LDLRAD4: variants seen among roughly 807,000 people sequenced by gnomAD.
LDLRAD4 encodes the protein low density lipoprotein receptor class A domain containing 4, also known as low-density lipoprotein receptor class A domain-containing protein 4.
Under a neutral mutation model 17.0 loss-of-function variants are expected in LDLRAD4, and 5 were observed. The observed-to-expected ratio is 0.29, with a 90% CI of 0.15 to 0.62. The LOEUF (loss-of-function observed/expected upper bound fraction) is 0.62. Among genes scored for constraint, LDLRAD4 ranks in the 20% least tolerant of loss-of-function variants. The pLI, the probability that LDLRAD4 is intolerant of heterozygous loss-of-function variation, is 0.84. For synonymous variants in LDLRAD4, 168 were observed against 171.8 expected (o/e 0.98, Z 0.17); for missense variants, 340 against 424.7 (o/e 0.80, Z 1.75).
rs550649056 is a variant in LDLRAD4, at chr18:13,455,428, T to C, written c.181+17044T>C. 4.6e-5 allele frequency among the ~76,000 whole-genome samples: 7 copies of C among 152,292 alleles called. No individual in the cohort carries two copies. In the South Asian group the frequency reaches 1.5e-3, roughly 32 times the overall value. On this transcript the variant is annotated intron_variant, in intron 3 of 5. Transcript: ENST00000359446. ...TTTTTCCTGGGTTTGATGTGACATC[T>C]ATGAGGCCCGTAAAGGTCATGAGAT...
At chr18:13,471,138 T>G (rs2092761053) in intron 3 of LDLRAD4, 1 of 152,234 alleles carries the variant, frequency 6.6e-6, no homozygotes, top group South Asian at 2.1e-4. Flanking sequence ...TAACCAGTGA[T>G]TGTTGTACTC....
intron 3 of LDLRAD4, among the ~76,000 whole-genome samples, chr18:13,499,321 C>CTTT (rs2093566134): frequency 6.8e-6 from 1 of 146,906 alleles, no homozygotes; most frequent in African/African-American, 2.5e-5. Context: ...CACACACGTC[C>CTTT]CGCCATGGAT....
chr18:13,478,655 A>G (rs1172597138), intron 3 of LDLRAD4, among the ~76,000 whole-genome samples: 1 of 152,276 alleles, frequency 6.6e-6, no homozygotes, highest in Non-Finnish European at 1.5e-5. Flanking sequence ...AAATATTCCA[A>G]GTTCATGGAT....
At chr18:13,522,475 G>C (rs1940917) in intron 3 of LDLRAD4, 2 of 151,790 alleles carry the variant, frequency 1.3e-5, no homozygotes, top group Non-Finnish European at 1.5e-5. Flanking sequence ...TGCATATCTC[G>C]TATCTGCACT....
chr18:13,305,482 C>T (rs1432051085), intron 1 of LDLRAD4, among the ~76,000 whole-genome samples: 1 of 152,180 alleles, frequency 6.6e-6, no homozygotes, highest in Non-Finnish European at 1.5e-5. Context: ...TTTCATGTCA[C>T]AGTGAAAAGG....
intron 1 of LDLRAD4, among the ~76,000 whole-genome samples, chr18:13,304,153 C>T (rs1292637060): frequency 4.6e-5 from 7 of 152,144 alleles, no homozygotes; most frequent in Non-Finnish European, 8.8e-5. Flanking sequence ...AGGACCTGGG[C>T]GGCTTCCCGG....
intron 1 of LDLRAD4, among the ~76,000 whole-genome samples, chr18:13,385,257 T>C (rs2085711855): frequency 6.6e-6 from 1 of 152,258 alleles, no homozygotes; most frequent in Non-Finnish European, 1.5e-5. Flanking sequence ...TTTTTTAATA[T>C]ATCTGTCAGC....
chr18:13,347,063 T>C (rs1450848747), intron 1 of LDLRAD4, among the ~76,000 whole-genome samples: 2 of 152,152 alleles, frequency 1.3e-5, no homozygotes, highest in Non-Finnish European at 2.9e-5. Context: ...AGCATTTAGT[T>C]CATTTACATT....
chr18:13,369,220 G>A (rs552757805), intron 1 of LDLRAD4, among the ~76,000 whole-genome samples: 29 of 152,320 alleles, frequency 1.9e-4, no homozygotes, highest in African/African-American at 6.7e-4. Context: ...GGGTGATCTG[G>A]TCATTTTTCA....
chr18:13,552,119 A>G (rs2094440560), intron 3 of LDLRAD4, among the ~76,000 whole-genome samples: 1 of 152,190 alleles, frequency 6.6e-6, no homozygotes, highest in Admixed American at 6.5e-5. Flanking sequence ...CTCATTTCAC[A>G]TGAGATTTGG....
At chr18:13,477,699 G>C (rs2092978664) in intron 3 of LDLRAD4, among the ~76,000 whole-genome samples, 1 of 152,204 alleles carries the variant, frequency 6.6e-6, no homozygotes, top group African/African-American at 2.4e-5. Context: ...GAGCCCAGGG[G>C]ATATCTAAGT....
intron 3 of LDLRAD4, among the ~76,000 whole-genome samples, chr18:13,478,011 C>T (rs963189078): frequency 2.0e-5 from 3 of 152,202 alleles, no homozygotes; most frequent in African/African-American, 7.2e-5. Flanking sequence ...CCTTCGTCCC[C>T]CTCCTTCCTG....
chr18:13,562,578 G>A (rs2094553100), intron 3 of LDLRAD4, among the ~76,000 whole-genome samples: 2 of 152,184 alleles, frequency 1.3e-5, no homozygotes, highest in Admixed American at 6.5e-5. Context: ...GTCCGTCAGA[G>A]CCTCAGAACT....
At chr18:13,385,260 C>T (rs2085712074) in intron 1 of LDLRAD4, among the ~76,000 whole-genome samples, 1 of 152,176 alleles carries the variant, frequency 6.6e-6, no homozygotes, top group African/African-American at 2.4e-5. Flanking sequence ...TTTAATATAT[C>T]TGTCAGCCAT....
At chr18:13,291,841 A>C (rs553449307) in intron 1 of LDLRAD4, among the ~76,000 whole-genome samples, 23 of 152,286 alleles carry the variant, frequency 1.5e-4, no homozygotes, top group South Asian at 1.0e-3. Context: ...CTTAAGATTG[A>C]CTGGGTATAC....
intron 3 of LDLRAD4, among the ~76,000 whole-genome samples, chr18:13,497,312 G>C (rs1410820966): frequency 6.6e-6 from 1 of 152,054 alleles, no homozygotes; most frequent in African/African-American, 2.4e-5. Flanking sequence ...GAATAGCTGG[G>C]ACTACCGGGA....
intron 3 of LDLRAD4, among the ~76,000 whole-genome samples, chr18:13,598,817 G>A (rs2095125483): frequency 6.6e-6 from 1 of 152,228 alleles, no homozygotes; most frequent in Admixed American, 6.5e-5. Flanking sequence ...GCTGGAGTGG[G>A]GACATTAGCT....
intron 3 of LDLRAD4, among the ~76,000 whole-genome samples, chr18:13,618,182 G>T (rs1398474958): frequency 6.6e-6 from 1 of 152,218 alleles, no homozygotes; most frequent in Admixed American, 6.5e-5. Flanking sequence ...GGTCTGTGAT[G>T]TATTAAGTGA....
At chr18:13,262,941 T>C (rs1311426817) in intron 1 of LDLRAD4, among the ~76,000 whole-genome samples, 104 of 122,480 alleles carry the variant, frequency 8.5e-4, no homozygotes, top group Non-Finnish European at 1.5e-3. Context: ...CGTGCGGCCC[T>C]GTGCGTGGGG....
Sources: allele counts gnomAD v4.1 joint callset (sites outside exome capture counted in the v4.1 genomes callset), GRCh38; gene constraint gnomAD v4.1.1; transcripts MANE v1.5; gene names NCBI Gene and HGNC (gene_info 2026-07-23, HGNC 2026-07-21).